The following ZNF45 variants were observed in gnomAD, a reference collection of about 807,000 sequenced individuals.
ZNF45 encodes BRC1744.
Under a neutral mutation model 12.0 loss-of-function variants are expected in ZNF45, and 4 were observed. That is an observed-to-expected ratio of 0.33 (90% CI 0.16 to 0.76). The LOEUF (loss-of-function observed/expected upper bound fraction) is 0.76, where lower values mean the gene tolerates loss of function less well. Among genes scored for constraint, ZNF45 ranks in the 30% least tolerant of loss-of-function variants. ZNF45 has a pLI of 0.60. For synonymous variants in ZNF45, 272 were observed against 279.6 expected (o/e 0.97, Z 0.27); for missense variants, 700 against 813.0 (o/e 0.86, Z 1.69).
intron 3 of ZNF45, among the ~76,000 whole-genome samples, chr19:43,925,913 G>A (rs1028870633): frequency 1.3e-5 from 2 of 152,174 alleles, no homozygotes; most frequent in African/African-American, 2.4e-5. Context: ...GATTATAGGC[G>A]TAAGCCACCA....
chr19:43,921,623 A>G (rs941154388), intron 7 of ZNF45, among the ~76,000 whole-genome samples: 7 of 152,222 alleles, frequency 4.6e-5, no homozygotes, highest in African/African-American at 1.2e-4. Flanking sequence ...AAATAATAGC[A>G]AAACTCCTTC....
intron 8 of ZNF45, among the ~76,000 whole-genome samples, chr19:43,919,315 A>G (rs376127557): frequency 4.1e-4 from 63 of 152,352 alleles, no homozygotes; most frequent in African/African-American, 1.5e-3. Flanking sequence ...CATCAAATGT[A>G]TATCAGGACC....
At chr19:43,927,746 G>GA (rs924270238) in intron 3 of ZNF45, among the ~76,000 whole-genome samples, 2 of 152,118 alleles carry the variant, frequency 1.3e-5, no homozygotes, top group African/African-American at 4.8e-5. Flanking sequence ...GAAGAACATA[G>GA]AAAATTTTTT....
chr19:43,915,779 T>TC (rs530498833), intron 9 of ZNF45, among the ~76,000 whole-genome samples: 437 of 151,960 alleles, frequency 2.9e-3, no homozygotes, highest in African/African-American at 8.5e-3. Flanking sequence ...TTCAAAACCA[T>TC]CCCCCCGACC....
At chr19:43,933,511 C>G (rs1974296914) in intron 2 of ZNF45, among the ~76,000 whole-genome samples, 1 of 152,116 alleles carries the variant, frequency 6.6e-6, no homozygotes, top group African/African-American at 2.4e-5. Flanking sequence ...TTAAGCCTTA[C>G]TGACTCATCA....
In ZNF45 at chr19:43,925,357, G is replaced by T. The variant is rs1973591328; in HGVS notation, c.-298C>A. On this transcript the variant is annotated 5_prime_UTR_variant, in exon 4 of 10. Transcript: ENST00000269973. ...GCAGCTTCACATGGCTTGATGATGG[G>T]GAAACATGGGCTGGATTCCAGATTC... 1.3e-5 allele frequency: 2 copies of T among 152,156 alleles called. No homozygotes were observed. The highest frequency in any genetic ancestry group is 4.8e-5 in the African/African-American group (2 of 41,416). The allele number at this position is 152,156 out of a possible 1,614,324, so 9.4% of individuals were successfully genotyped here.
At chr19:43,918,207 G>A (rs1019134748) in intron 9 of ZNF45, among the ~76,000 whole-genome samples, 1 of 152,154 alleles carries the variant, frequency 6.6e-6, no homozygotes, top group Non-Finnish European at 1.5e-5. Context: ...TGCCTAAAAC[G>A]TGGCTATGAG....
At chr19:43,929,002 C>T (rs1973909737) in intron 3 of ZNF45, among the ~76,000 whole-genome samples, 2 of 152,186 alleles carry the variant, frequency 1.3e-5, no homozygotes, top group Non-Finnish European at 2.9e-5. Flanking sequence ...ATAATTATGC[C>T]CATTTTACAG....
In ZNF45 at chr19:43,914,215, T is replaced by C. The variant is rs1972444863; in HGVS notation, c.1221A>G (p.Gln407=). 11 of 1,606,218 alleles carry C rather than the reference T, an allele frequency of 6.8e-6. 1 individual carries two copies. The Middle Eastern group carries it at 1.2e-3, about 169-fold the overall frequency. ...ACGGTTTCTCTCCAGTATGGCCTCT[T>C]TGATGGTCCAGCAGATTTGAGGCCC... ...FCRASNLLDH[Q]RGHTGEKPYQ... Residue 407 remains glutamine, a synonymous_variant, in exon 10 of 10, where the codon CAA becomes CAG. Transcript: ENST00000269973.
chr19:43,917,672 G>C (rs929080982), intron 9 of ZNF45, among the ~76,000 whole-genome samples: 2 of 152,080 alleles, frequency 1.3e-5, no homozygotes, highest in Non-Finnish European at 2.9e-5. Context: ...TTTTAGTAGA[G>C]ACGGGGTTTC....
chr19:43,914,738 G>A lies in ZNF45; in HGVS notation c.698C>T (p.Ser233Leu), dbSNP rs1231521889. Residue 233 changes from serine to leucine, a missense_variant, in exon 10 of 10, where the codon TCA becomes TTA. Transcript: ENST00000269973. ...DASYRSFSQR[S>L]HLPHHQRVPT... is the part of the protein sequence containing the mutation. ...AACTCTCTGATGATGGGGAAGATGT[G>A]ACCTCTGACTAAAACTCCTGTAACT... 6.2e-7 allele frequency: 1 copy of A among 1,614,048 alleles called. No individual in the cohort carries two copies. The highest frequency in any genetic ancestry group is 8.5e-7 in the Non-Finnish European group (1 of 1,180,042).
At chr19:43,918,775 C>G in intron 9 of ZNF45, 95 bp downstream of exon 9, 3 of 1,018,002 alleles carry the variant, frequency 2.9e-6, no homozygotes, top group Middle Eastern at 2.1e-4. Flanking sequence ...AAAAACTGTT[C>G]TAGACTATGC....
rs199638490 is a variant in ZNF45, at chr19:43,913,730, G to C, written c.1706C>G (p.Ser569Cys). Residue 569 changes from serine to cysteine, a missense_variant, in exon 10 of 10, where the codon TCC becomes TGC. Transcript: ENST00000269973. The part of the protein sequence containing the change: ...EECGKGFCRA[S>C]NFLAHRGVHT... ...GACTCCACGATGTGCCAGAAAATTG[G>C]AGGCCCGACAGAAGCCCTTCCCACA... The C allele has an allele frequency of 6.2e-7, 1 of 1,614,032 alleles. No homozygotes were observed. Among genetic ancestry groups the C allele is most frequent in the African/African-American group, 1.3e-5 (1 of 74,984 alleles).
chr19:43,921,922 G>C lies in ZNF45; in HGVS notation c.15+249C>G, dbSNP rs192537205. ...AAACAGTTGTTTTGTAAGGGAAACA[G>C]TAGGAAAATGAGAGATTTTTATTGT... On this transcript the variant is annotated intron_variant, in intron 7 of 9. Coordinates refer to ENST00000269973, the MANE Select transcript of ZNF45 (RefSeq NM_003425.4). 6.7e-3 allele frequency among the ~76,000 whole-genome samples: 1,026 copies of C among 152,230 alleles called. 8 individuals are homozygous for C. The highest frequency in any genetic ancestry group is 7.0e-3 in the Non-Finnish European group (478 of 68,008).
chr19:43,923,977 T>TAAAAAAAAAAAAAAAAAAAAACA (rs202194694), intron 6 of ZNF45, among the ~76,000 whole-genome samples: 1 of 100,326 alleles, frequency 1.0e-5, no homozygotes, highest in Non-Finnish European at 2.2e-5. Context: ...AAAAAAAATC[T>TAAAAAAAAAAAAAAAAAAAAACA]AAAAAAAAAA....
At chr19:43,922,057 A>G in intron 7 of ZNF45, 114 bp downstream of exon 7, 1 of 1,028,022 alleles carries the variant, frequency 9.7e-7, no homozygotes, top group South Asian at 2.2e-5. Context: ...GGCACACAAG[A>G]GGTTCTCAAA....
chr19:43,921,290 G>A (rs1467494794), intron 7 of ZNF45, among the ~76,000 whole-genome samples: 1 of 152,124 alleles, frequency 6.6e-6, no homozygotes, highest in Non-Finnish European at 1.5e-5. Flanking sequence ...GTTGGTTTGA[G>A]GAATAAATAC....
At chr19:43,919,432 G>T in intron 8 of ZNF45, 141 bp downstream of exon 8, 1 of 1,028,982 alleles carries the variant, frequency 9.7e-7, no homozygotes, top group Non-Finnish European at 1.4e-6. Context: ...AGGGGAGAAA[G>T]ACTTTAAAAA....
Position 43,915,088 on chromosome 19 carries a change from G to T in ZNF45, c.348C>A (p.Ile116=). The part of the protein sequence containing the change: ...QIWQQITREL[I]KYQDSVVNIQ... ...TATTTACCACAGAATCTTGATACTT[G>T]ATTAACTCTCTTGTAATCTGTTGCC... is the stretch of plus-strand genomic sequence containing the variant. Residue 116 remains isoleucine (I), a synonymous_variant, in exon 10 of 10, where the codon ATC becomes ATA. Coordinates refer to ENST00000269973, the MANE Select transcript of ZNF45 (RefSeq NM_003425.4). The T allele has an allele frequency of 6.2e-7, 1 of 1,611,318 alleles. No individual in the cohort carries two copies. Among genetic ancestry groups the T allele is most frequent in the South Asian group, 1.1e-5 (1 of 90,740 alleles).
Sources: allele counts gnomAD v4.1 joint callset (sites outside exome capture counted in the v4.1 genomes callset), GRCh38; gene constraint gnomAD v4.1.1; transcripts MANE v1.5; gene names NCBI Gene and HGNC (gene_info 2026-07-23, HGNC 2026-07-21).